Variants in REEP6 observed in about 807,000 individuals in gnomAD.
REEP6 encodes receptor accessory protein 6.
A neutral mutation model predicts 22.4 loss-of-function variants in REEP6; 19 were observed. The ratio of observed to expected loss-of-function variants is 0.85; its 90% CI spans 0.59 to 1.25. REEP6 has a LOEUF of 1.25. Ranked by LOEUF, REEP6 falls within the 50% of genes most tolerant of loss-of-function variation. The probability of loss-of-function intolerance (pLI) is 0.00; values close to 1 mark genes in which losing one functional copy is unlikely to be tolerated. For synonymous variants in REEP6, 121 were observed against 113.6 expected, an observed-to-expected ratio of 1.06 and a Z score of -0.41; for missense variants, 273 against 251.9, an observed-to-expected ratio of 1.08 and a Z score of -0.57.
At position 1,495,514 on chromosome 19, in the gene REEP6, G is replaced by T. The variant is rs1488236066; in HGVS notation, c.255G>T (p.Trp85Cys). The change falls in exon 3 of 5, where the codon TGG (tryptophan) becomes TGT (cysteine). Residue 85 changes from tryptophan to cysteine, a missense_variant. By Grantham distance (215) the Trp-to-Cys change is radical. Coordinates refer to ENST00000233596, the MANE Select transcript of REEP6 (RefSeq NM_138393.4). ...ESPSKDDDTV[W>C]LTYWVVYALF... Reference sequence around the variant, plus strand: ...CAAGCAAGGACGACGACACTGTGTGGCTCACCTACTGGGTGGTGTACGCCC... The same window carrying T: ...CAAGCAAGGACGACGACACTGTGTGTCTCACCTACTGGGTGGTGTACGCCC... 2 of 1,614,098 alleles carry T rather than the reference G, an allele frequency of 1.2e-6. No homozygotes were observed. The highest frequency in any genetic ancestry group is 2.2e-5 in the South Asian group (2 of 91,090).
intron 1 of REEP6, among the ~76,000 whole-genome samples, chr19:1,494,773 C>G (rs1203953784): frequency 6.6e-6 from 1 of 152,164 alleles, no homozygotes; most frequent in Non-Finnish European, 1.5e-5. Context: ...CAAGCTCCGC[C>G]TCCTGGGTTT....
rs775694451 is a variant in REEP6 at position 1,497,435 on chromosome 19, T to C, written c.*224T>C. ...CTGGATCCCAGGGCCAGCTGCCCTC[T>C]GGCTCTGGCTGTGGCTCCCGCCTGT... On this transcript the variant is annotated 3_prime_UTR_variant, in exon 5 of 5. Coordinates refer to ENST00000233596, the MANE Select transcript of REEP6 (RefSeq NM_138393.4). This position sits in a 1 kb window ranked among gnomAD's most constrained non-coding sequence, Gnocchi z 6.5. 2.3e-5 allele frequency: 16 copies of C among 709,518 alleles called. No homozygotes were observed. Among genetic ancestry groups the C allele is most frequent in the South Asian group, 2.2e-4 (15 of 66,726 alleles). The allele number at this position is 709,518 out of a possible 1,614,324, so 44.0% of individuals were successfully genotyped here. A position where few individuals can be genotyped will look rare whatever the true frequency, so the allele number is the denominator to read the frequency against.
intron 1 of REEP6, among the ~76,000 whole-genome samples, chr19:1,494,481 G>A (rs2084989731): frequency 6.6e-6 from 1 of 152,192 alleles, no homozygotes; most frequent in Non-Finnish European, 1.5e-5. Flanking sequence ...AAACAACCAA[G>A]AATGACCCGG....
Position 1,496,363 on chromosome 19 carries a change from C to G in REEP6, c.427C>G (p.Leu143Val). ...LMLYQRVVRP[L>V]FLRHHGAVDR... Reference sequence around the variant, plus strand: ...GCTGTATCAGCGCGTCGTGCGTCCGCTGTTCCTAAGGCACCACGGGGCCGT... The same window carrying G: ...GCTGTATCAGCGCGTCGTGCGTCCGGTGTTCCTAAGGCACCACGGGGCCGT... Residue 143 changes from leucine (L) to valine (V), a missense_variant, in exon 4 of 5, where the codon CTG (leucine) becomes GTG (valine). By Grantham distance (32) the Leu-to-Val change is conservative (BLOSUM62 1). Transcript: ENST00000233596. 6.2e-7 allele frequency: 1 copy of G among 1,613,162 alleles called. No homozygotes were observed. The highest frequency in any genetic ancestry group is 8.5e-7 in the Non-Finnish European group (1 of 1,179,940).
chr19:1,491,493 G>T lies in REEP6; in HGVS notation c.115+109G>T. On this transcript the variant is annotated intron_variant, in intron 1 of 4. Coordinates refer to ENST00000233596, the MANE Select transcript of REEP6 (RefSeq NM_138393.4). The surrounding 1 kb of genome is among the most constrained non-coding windows in gnomAD (Gnocchi z 5.4). ...GCTACGGGGTCCGGTCCGGCCGGTG[G>T]AGCGCGCGAGGTGACTGGGACCTCG... 2 of 727,064 alleles carry T rather than the reference G, an allele frequency of 2.8e-6. No individual in the cohort carries two copies. Among genetic ancestry groups the T allele is most frequent in the Non-Finnish European group, 4.0e-6 (2 of 502,576 alleles). The allele number at this position is 727,064 out of a possible 1,614,324, so 45.0% of individuals were successfully genotyped here. A position where few individuals can be genotyped will look rare whatever the true frequency, so the allele number is the denominator to read the frequency against.
rs1460139881 is a variant in REEP6, at chr19:1,497,453, C to T, written c.*242C>T. The T allele has an allele frequency of 1.4e-6, 1 of 706,124 alleles. No individual in the cohort carries two copies. Among genetic ancestry groups the T allele is most frequent in the Admixed American group, 2.0e-5 (1 of 49,634 alleles). 43.7% of individuals were successfully genotyped at this position (706,124 alleles called of 1,614,324 possible). On this transcript the variant is annotated 3_prime_UTR_variant, in exon 5 of 5. Transcript: ENST00000233596. This position sits in a 1 kb window ranked among gnomAD's most constrained non-coding sequence, Gnocchi z 6.5. ...TGCCCTCTGGCTCTGGCTGTGGCTCCCGCCTGTCCGGCAGGGCCCAGGGCC... is the reference window on the plus strand; with the variant it reads ...TGCCCTCTGGCTCTGGCTGTGGCTCTCGCCTGTCCGGCAGGGCCCAGGGCC...
chr19:1,493,816 G>A (rs1179737744), intron 1 of REEP6, among the ~76,000 whole-genome samples: 2 of 151,786 alleles, frequency 1.3e-5, no homozygotes, highest in African/African-American at 2.4e-5. Flanking sequence ...GGCTGATGGC[G>A]GTGGCTCACG....
At position 1,497,762 on chromosome 19, in the gene REEP6, C is replaced by T. The variant is rs1053036993; in HGVS notation, c.*551C>T. 9 of 470,726 alleles carry T rather than the reference C, an allele frequency of 1.9e-5. No individual in the cohort carries two copies. Among genetic ancestry groups the T allele is most frequent in the East Asian group, 1.4e-4 (2 of 14,414 alleles). 29.2% of individuals were successfully genotyped at this position (470,726 alleles called of 1,614,324 possible). A position where few individuals can be genotyped will look rare whatever the true frequency, so the allele number is the denominator to read the frequency against. On this transcript the variant is annotated 3_prime_UTR_variant, in exon 5 of 5. Coordinates refer to ENST00000233596, the MANE Select transcript of REEP6 (RefSeq NM_138393.4). This position sits in a 1 kb window ranked among gnomAD's most constrained non-coding sequence, Gnocchi z 6.5. ...AGCCTGCCAGCAGCGCCTCAGTGCC[C>T]GAGCTGGTCCCCTGCCATTCCGGGA...
intron 3 of REEP6, chr19:1,496,052 T>C: frequency 1.8e-6 from 1 of 568,438 alleles, no homozygotes; most frequent in Non-Finnish European, 3.1e-6. Flanking sequence ...CCCAGGCCTG[T>C]CCCAGTAGGA....
chr19:1,496,646 G>A, intron 4 of REEP6, 193 bp downstream of exon 4: 1 of 768,294 alleles, frequency 1.3e-6, no homozygotes, highest in Non-Finnish European at 2.3e-6. Context: ...CTGTGGCCGG[G>A]CCCTCCACTC....
In REEP6 at chr19:1,497,654, G is replaced by A. The variant is rs1432957015; in HGVS notation, c.*443G>A. On this transcript the variant is annotated 3_prime_UTR_variant, in exon 5 of 5. Coordinates refer to ENST00000233596, the MANE Select transcript of REEP6 (RefSeq NM_138393.4). This position sits in a 1 kb window ranked among gnomAD's most constrained non-coding sequence, Gnocchi z 6.5. The stretch of plus-strand genomic sequence containing the variant: ...CTCCCAGCAGCAGCAACATCCCCAC[G>A]CAGCCCCCCAGCAAGTCCTCTGGCA... The A allele has an allele frequency of 1.0e-5, 5 of 482,014 alleles. No homozygotes were observed. Among genetic ancestry groups the A allele is most frequent in the East Asian group, 1.3e-4 (2 of 15,296 alleles). The allele number at this position is 482,014 out of a possible 1,614,324, so 29.9% of individuals were successfully genotyped here.
intron 1 of REEP6, among the ~76,000 whole-genome samples, chr19:1,492,223 T>A (rs1399795405): frequency 6.6e-6 from 1 of 152,146 alleles, no homozygotes; most frequent in Non-Finnish European, 1.5e-5. Flanking sequence ...CAAGCGATTC[T>A]CCTGCCTCAG....
chr19:1,496,233 C>A, intron 3 of REEP6, 52 bp from the exon 4 acceptor site: 1 of 1,559,294 alleles, frequency 6.4e-7, no homozygotes, highest in Non-Finnish European at 8.7e-7. Flanking sequence ...CTCTCCCCAC[C>A]AGGGGCACAG....
rs79574672 is a variant in REEP6, at chr19:1,495,328, C to A, written c.150C>A (p.Phe50Leu). 1.7e-5 allele frequency: 27 copies of A among 1,613,330 alleles called. No individual in the cohort carries two copies. The highest frequency in any genetic ancestry group is 2.3e-5 in the Non-Finnish European group (27 of 1,180,016). ...AVTLLSLYLL[F>L]GYGASLLCNL... The stretch of plus-strand genomic sequence containing the variant: ...CTCTGCTAAGCCTGTATCTGCTGTT[C>A]GGCTACGGAGCGTCTCTGCTGTGCA... The change falls in exon 2 of 5, where the codon TTC (phenylalanine) becomes TTA (leucine). Residue 50 changes from phenylalanine to leucine, a missense_variant. Phe to Leu is a conservative substitution (Grantham distance 22). Transcript: ENST00000233596.
At chr19:1,493,915 C>G (rs1423198684) in intron 1 of REEP6, among the ~76,000 whole-genome samples, 2 of 152,212 alleles carry the variant, frequency 1.3e-5, no homozygotes, top group East Asian at 3.9e-4. Context: ...TGGTGAAACC[C>G]CGTCTCTACT....
chr19:1,496,581 C>CG (rs1568235661), intron 4 of REEP6, 128 bp downstream of exon 4: 7 of 1,197,712 alleles, frequency 5.8e-6, no homozygotes, highest in Non-Finnish European at 1.2e-6. Flanking sequence ...CTCACGCTTC[C>CG]GGGAACCAGT....
chr19:1,497,888 G>A lies in REEP6; in HGVS notation c.*677G>A, dbSNP rs1416657623. On this transcript the variant is annotated 3_prime_UTR_variant, in exon 5 of 5. Transcript: ENST00000233596. This position sits in a 1 kb window ranked among gnomAD's most constrained non-coding sequence, Gnocchi z 6.5. The stretch of plus-strand genomic sequence containing the variant: ...AGCACTACTGGTGCCTGAAACACCT[G>A]GCCTGCTAGGAGGCTCCAATAAAGC... 1 of 461,282 alleles carries A rather than the reference G, an allele frequency of 2.2e-6. No individual in the cohort carries two copies. The highest frequency in any genetic ancestry group is 4.5e-6 in the Non-Finnish European group (1 of 220,426). 28.6% of individuals were successfully genotyped at this position (461,282 alleles called of 1,614,324 possible). A position where few individuals can be genotyped will look rare whatever the true frequency, so the allele number is the denominator to read the frequency against.
intron 3 of REEP6, 87 bp from the exon 4 acceptor site, chr19:1,496,198 G>A: frequency 6.8e-7 from 1 of 1,462,658 alleles, no homozygotes; most frequent in Non-Finnish European, 9.2e-7. Context: ...GTCCAGGATG[G>A]GCATCTGGTG....
chr19:1,493,538 C>G (rs2084982832), intron 1 of REEP6, among the ~76,000 whole-genome samples: 1 of 152,176 alleles, frequency 6.6e-6, no homozygotes, highest in Admixed American at 6.6e-5. Context: ...TCCAAGCTCT[C>G]TGGAGCACAT....
Sources: allele counts gnomAD v4.1 joint callset (sites outside exome capture counted in the v4.1 genomes callset), GRCh38; gene constraint gnomAD v4.1.1; non-coding constraint Gnocchi (gnomAD v3.1); transcripts MANE v1.5; gene names NCBI Gene and HGNC (gene_info 2026-07-23, HGNC 2026-07-21).